The following KCNN3 variants were observed in gnomAD, a reference collection of about 807,000 sequenced individuals.
KCNN3 encodes small conductance calcium-activated potassium channel protein 3.
Under a neutral mutation model 62.9 loss-of-function variants are expected in KCNN3, and 16 were observed. That is an observed-to-expected ratio of 0.25 (90% CI 0.17 to 0.39). The LOEUF is 0.39. Among genes scored for constraint, KCNN3 ranks in the 10% least tolerant of loss-of-function variants. KCNN3 has a pLI of 1.00. For missense variants in KCNN3, 599 were observed against 949.4 expected, an observed-to-expected ratio of 0.63 and a Z score of 4.85; for synonymous variants, 370 against 389.2, an observed-to-expected ratio of 0.95 and a Z score of 0.58.
chr1:154,707,709 ACTCTGCAGCAAGGG>A lies in KCNN3; in HGVS notation c.*253_*266del, dbSNP rs1355316066. ...GAGCGTGGATTTCTGTTCTCCACCA[ACTCTGCAGCAAGGG>A]CCCTGCCAGAGGCGTCGCTTCCTGT... On this transcript the variant is annotated 3_prime_UTR_variant, in exon 8 of 8. Coordinates refer to ENST00000271915, the MANE Select transcript of KCNN3 (RefSeq NM_002249.6). 2.3e-6 allele frequency: 1 copy of A among 434,676 alleles called. No homozygotes were observed. The highest frequency in any genetic ancestry group is 2.0e-5 in the African/African-American group (1 of 49,418). 26.9% of individuals were successfully genotyped at this position (434,676 alleles called of 1,614,324 possible).
chr1:154,743,469 G>A (rs1202887774), intron 3 of KCNN3, among the ~76,000 whole-genome samples: 2 of 152,164 alleles, frequency 1.3e-5, no homozygotes, highest in Admixed American at 6.5e-5. Context: ...CATTGGCCCT[G>A]CCACCTGGGG....
intron 2 of KCNN3, among the ~76,000 whole-genome samples, chr1:154,821,159 A>G (rs1181538303): frequency 6.6e-6 from 1 of 152,130 alleles, no homozygotes; most frequent in Admixed American, 6.5e-5. Flanking sequence ...ACACCAAGAA[A>G]AAAGGTCATG....
At chr1:154,830,071 T>C (rs2101901599) in intron 1 of KCNN3, among the ~76,000 whole-genome samples, 1 of 152,294 alleles carries the variant, frequency 6.6e-6, no homozygotes, top group South Asian at 2.1e-4. Context: ...TAGTTGAACG[T>C]TGAATATTTG....
chr1:154,706,448 T>C lies in KCNN3; in HGVS notation c.*1528A>G, dbSNP rs1363143007. 1.3e-5 allele frequency: 2 copies of C among 152,248 alleles called. No homozygotes were observed. The highest frequency in any genetic ancestry group is 2.9e-5 in the Non-Finnish European group (2 of 68,028). The allele number at this position is 152,248 out of a possible 1,614,324, so 9.4% of individuals were successfully genotyped here. A position where few individuals can be genotyped will look rare whatever the true frequency, so the allele number is the denominator to read the frequency against. ...CAAAGACCTCAGAATGAGAAAGTCA[T>C]GGTTTTCACGTCACAAATGTTACGT... On this transcript the variant is annotated 3_prime_UTR_variant, in exon 8 of 8. Transcript: ENST00000271915.
chr1:154,772,031 G>C lies in KCNN3; in HGVS notation c.1392C>G (p.Leu464=), dbSNP rs367863664. ...LMTICPGTVL[L]VFSISLWIIA... ...TGATCCACAGAGAGATGCTGAACAC[G>C]AGCAGCACAGTGCCAGGGCAGATGG... The change falls in exon 3 of 8, where the codon CTC becomes CTG. Residue 464 remains leucine (L), a synonymous_variant. Transcript: ENST00000271915. The surrounding 1 kb of genome is among the most constrained non-coding windows in gnomAD (Gnocchi z 5.6). The C allele has an allele frequency of 1.2e-6, 2 of 1,614,042 alleles. No homozygotes were observed. Among genetic ancestry groups the C allele is most frequent in the Admixed American group, 1.7e-5 (1 of 60,010 alleles).
intron 5 of KCNN3, among the ~76,000 whole-genome samples, chr1:154,721,004 T>C (rs1162969198): frequency 1.3e-5 from 2 of 152,232 alleles, no homozygotes; most frequent in Non-Finnish European, 2.9e-5. Flanking sequence ...GAACACGATG[T>C]CAGGAGCACA....
At chr1:154,770,428 C>T (rs1648495362) in intron 3 of KCNN3, among the ~76,000 whole-genome samples, 1 of 152,172 alleles carries the variant, frequency 6.6e-6, no homozygotes, top group Non-Finnish European at 1.5e-5. Context: ...TGTGTTGAGG[C>T]TAACTCCTCT....
intron 6 of KCNN3, among the ~76,000 whole-genome samples, chr1:154,714,142 TTG>T (rs1360328377): frequency 0.04 from 4,040 of 101,496 alleles, no homozygotes; most frequent in Non-Finnish European, 0.044. Flanking sequence ...TGTGTGGTGT[TTG>T]TGTGTGGTAT....
intron 2 of KCNN3, among the ~76,000 whole-genome samples, chr1:154,814,485 G>T (rs1387772647): frequency 6.6e-6 from 1 of 152,194 alleles, no homozygotes; most frequent in Non-Finnish European, 1.5e-5. Context: ...GCTGGTGCTA[G>T]GTCCACTCCT....
chr1:154,751,159 C>T (rs1008442207), intron 3 of KCNN3, among the ~76,000 whole-genome samples: 1 of 152,232 alleles, frequency 6.6e-6, no homozygotes, highest in Non-Finnish European at 1.5e-5. Context: ...GGAGCTCAGA[C>T]CCGCCCAACT....
intron 5 of KCNN3, among the ~76,000 whole-genome samples, chr1:154,723,473 A>G (rs897850609): frequency 2.0e-5 from 3 of 152,204 alleles, no homozygotes; most frequent in Non-Finnish European, 4.4e-5. Flanking sequence ...GGAGGATGTT[A>G]GGGAATCATT....
intron 1 of KCNN3, among the ~76,000 whole-genome samples, chr1:154,860,411 G>A (rs1294991288): frequency 6.6e-6 from 1 of 151,940 alleles, no homozygotes; most frequent in Non-Finnish European, 1.5e-5. Context: ...GTTTATTTTT[G>A]TTCTCTCTCC....
chr1:154,773,316 T>A (rs533534970), intron 2 of KCNN3, among the ~76,000 whole-genome samples: 1 of 152,338 alleles, frequency 6.6e-6, no homozygotes, highest in East Asian at 1.9e-4. Flanking sequence ...TGCCCTTTGC[T>A]TCGCTCCCAT....
chr1:154,719,976 G>C (rs1180711189), intron 5 of KCNN3, among the ~76,000 whole-genome samples: 1 of 152,206 alleles, frequency 6.6e-6, no homozygotes, highest in Non-Finnish European at 1.5e-5. Flanking sequence ...CAGAGTTGGA[G>C]CTTGAGGTTC....
At chr1:154,716,504 C>T (rs1345597999) in intron 5 of KCNN3, among the ~76,000 whole-genome samples, 1 of 152,210 alleles carries the variant, frequency 6.6e-6, no homozygotes, top group Non-Finnish European at 1.5e-5. Context: ...GCCTAGGAAA[C>T]ATTGTTTTGC....
At chr1:154,781,965 G>A (rs187688831) in intron 2 of KCNN3, among the ~76,000 whole-genome samples, 1 of 152,328 alleles carries the variant, frequency 6.6e-6, no homozygotes, top group Non-Finnish European at 1.5e-5. Flanking sequence ...GCCAGGACAG[G>A]GAGGGCTCTC....
At chr1:154,745,329 C>T (rs1015121422) in intron 3 of KCNN3, among the ~76,000 whole-genome samples, 10 of 152,210 alleles carry the variant, frequency 6.6e-5, no homozygotes, top group African/African-American at 1.2e-4. Context: ...TGCGACTTGC[C>T]GCCAAACAAC....
chr1:154,768,314 A>G (rs533723151), intron 3 of KCNN3, among the ~76,000 whole-genome samples: 3 of 152,378 alleles, frequency 2.0e-5, no homozygotes, highest in South Asian at 4.1e-4. Context: ...ACATTGGGAA[A>G]CAGAATGATC....
rs138726554 is a variant in KCNN3, at chr1:154,782,948, C to T, written c.1030-10555G>A. Among the ~76,000 whole-genome samples, 1,165 of 152,346 alleles carry T rather than the reference C, an allele frequency of 7.6e-3. 19 individuals are homozygous for T. The highest frequency in any genetic ancestry group is 0.026 in the African/African-American group (1,091 of 41,580). ...GAAAACTCGGCTGGGCGCGGAGGCT[C>T]ACGCCTGTAATCCCAGCGCTTTGGC... On this transcript the variant is annotated intron_variant, in intron 2 of 7. Coordinates refer to ENST00000271915, the MANE Select transcript of KCNN3 (RefSeq NM_002249.6).
Sources: allele counts gnomAD v4.1 joint callset (sites outside exome capture counted in the v4.1 genomes callset), GRCh38; gene constraint gnomAD v4.1.1; non-coding constraint Gnocchi (gnomAD v3.1); transcripts MANE v1.5; gene names NCBI Gene and HGNC (gene_info 2026-07-23, HGNC 2026-07-21).